Variants in NECAB1 observed in about 807,000 individuals in gnomAD.
The protein encoded by NECAB1 is N-terminal EF-hand calcium-binding protein 1.
In NECAB1, 29 loss-of-function variants were observed where a neutral mutation model predicts 57.5. The observed-to-expected ratio is 0.50, with a 90% CI of 0.38 to 0.69. The LOEUF (loss-of-function observed/expected upper bound fraction) is 0.69. NECAB1 is among the 30% of genes least tolerant of loss of function. The pLI, the probability that NECAB1 is intolerant of heterozygous loss-of-function variation, is 0.00. For synonymous variants in NECAB1, 142 were observed against 147.7 expected, an observed-to-expected ratio of 0.96 and a Z score of 0.28; for missense variants, 372 against 413.8, an observed-to-expected ratio of 0.90 and a Z score of 0.88.
At chr8:90,860,861 A>C (rs1439107846) in intron 3 of NECAB1, among the ~76,000 whole-genome samples, 1 of 151,718 alleles carries the variant, frequency 6.6e-6, no homozygotes, top group Non-Finnish European at 1.5e-5. Flanking sequence ...CTATGAAGGC[A>C]AAAATATTCC....
rs768996360 is a variant in NECAB1, at chr8:90,925,565, G to T, written c.525G>T (p.Ser175=). ...GGCCAGCCAAGCCAGAAGTCCTGTCGATTCAATGGCCTGGAAAACGATCAA... is the reference window on the plus strand; with the variant it reads ...GGCCAGCCAAGCCAGAAGTCCTGTCTATTCAATGGCCTGGAAAACGATCAA... ...RQGPAKPEVL[S]IQWPGKRSSR... is the part of the protein sequence containing the mutation. The change falls in exon 7 of 13, where the codon TCG becomes TCT. Residue 175 remains serine (S), a synonymous_variant. Transcript: ENST00000417640. The T allele has an allele frequency of 4.3e-6, 7 of 1,612,988 alleles. No individual in the cohort carries two copies. The highest frequency in any genetic ancestry group is 1.1e-5 in the South Asian group (1 of 90,868).
intron 3 of NECAB1, among the ~76,000 whole-genome samples, chr8:90,840,068 A>G (rs1812430486): frequency 6.6e-6 from 1 of 152,190 alleles, no homozygotes; most frequent in Non-Finnish European, 1.5e-5. Flanking sequence ...AAAGCTTTTG[A>G]ATAAGAATAC....
intron 6 of NECAB1, among the ~76,000 whole-genome samples, chr8:90,917,870 A>ATAGATATATGTG (rs1554575432): frequency 1.6e-5 from 1 of 64,344 alleles, no homozygotes; most frequent in Non-Finnish European, 2.5e-5. Context: ...ATATATATAT[A>ATAGATATATGTG]TGTGTGTGTG....
At chr8:90,953,423 C>A (rs1810958106) in intron 12 of NECAB1, among the ~76,000 whole-genome samples, 1 of 152,198 alleles carries the variant, frequency 6.6e-6, no homozygotes, top group Admixed American at 6.5e-5. Context: ...TGGATCAATT[C>A]TTGTTCTGTG....
rs1352529506 is a variant in NECAB1, at chr8:90,907,141, T to TGAGA, written c.358-10350_358-10349insAGAG. Among the ~76,000 whole-genome samples the TGAGA allele has an allele frequency of 7.9e-3, 1,007 of 126,866 alleles. 24 individuals are homozygous for TGAGA. The highest frequency in any genetic ancestry group is 0.068 in the Admixed American group (757 of 11,066). 83.2% of individuals were successfully genotyped at this position (126,866 alleles called of 152,430 possible). On this transcript the variant is annotated intron_variant, in intron 5 of 12. Coordinates refer to ENST00000417640, the MANE Select transcript of NECAB1 (RefSeq NM_022351.5). ...CCAATTTTGTGTGTGTGTGTGTGTG[T>TGAGA]GTGTGTGTGTGAGAGAGAGAGAGAG...
chr8:90,906,895 A>ATATATATATGTATATATATATG, intron 5 of NECAB1, among the ~76,000 whole-genome samples: 5 of 139,190 alleles, frequency 3.6e-5, no homozygotes, highest in African/African-American at 1.4e-4. Context: ...ATATATATAT[A>ATATATATATGTATATATATATG]TATATATATA....
intron 2 of NECAB1, among the ~76,000 whole-genome samples, chr8:90,802,726 C>T (rs188255326): frequency 6.6e-6 from 1 of 152,150 alleles, no homozygotes. Flanking sequence ...ATCCAAGGAA[C>T]AATGTAATAG....
chr8:90,869,578 T>A (rs1032522917), intron 3 of NECAB1, among the ~76,000 whole-genome samples: 2 of 152,222 alleles, frequency 1.3e-5, no homozygotes, highest in African/African-American at 4.8e-5. Flanking sequence ...TAAGATTTAA[T>A]AACTGCCCTG....
At chr8:90,803,243 C>A (rs1811791037) in intron 2 of NECAB1, among the ~76,000 whole-genome samples, 1 of 152,106 alleles carries the variant, frequency 6.6e-6, no homozygotes, top group South Asian at 2.1e-4. Flanking sequence ...ATCATTTTGT[C>A]TTCTCATCTC....
At chr8:90,891,715 T>C (rs1479129325) in intron 5 of NECAB1, among the ~76,000 whole-genome samples, 1 of 151,746 alleles carries the variant, frequency 6.6e-6, no homozygotes, top group Non-Finnish European at 1.5e-5. Context: ...TTTTTTTAGA[T>C]AGGCTTTCAC....
chr8:90,792,935 G>A (rs1442911616), intron 1 of NECAB1, among the ~76,000 whole-genome samples: 1 of 152,066 alleles, frequency 6.6e-6, no homozygotes, highest in Non-Finnish European at 1.5e-5. Flanking sequence ...TGCTGTTGCC[G>A]GAGGTCGTGT....
chr8:90,793,026 G>T (rs1811601228), intron 1 of NECAB1, among the ~76,000 whole-genome samples: 1 of 152,152 alleles, frequency 6.6e-6, no homozygotes, highest in South Asian at 2.1e-4. Flanking sequence ...AGTGCTACGT[G>T]CTCTGTCCTT....
chr8:90,864,062 T>A (rs1808460104), intron 3 of NECAB1, among the ~76,000 whole-genome samples: 1 of 152,116 alleles, frequency 6.6e-6, no homozygotes, highest in East Asian at 1.9e-4. Flanking sequence ...TTTAGAAACG[T>A]TTATAGCAAT....
intron 3 of NECAB1, among the ~76,000 whole-genome samples, chr8:90,852,639 C>T (rs538371678): frequency 2.1e-4 from 32 of 152,092 alleles, no homozygotes; most frequent in African/African-American, 3.1e-4. Flanking sequence ...AGAGGAGAAG[C>T]GGTGGGATGT....
chr8:90,909,596 T>A lies in NECAB1; in HGVS notation c.358-7896T>A, dbSNP rs1340529988. Among the ~76,000 whole-genome samples, 3 of 152,096 alleles carry A rather than the reference T, an allele frequency of 2.0e-5. No individual in the cohort carries two copies. The East Asian group carries it at 5.8e-4, about 29-fold the overall frequency. ...ACAAAATTCTTGGCTCTATTTTAAA[T>A]ATCTTAAAATATGTTACTACGTTTT... On this transcript the variant is annotated intron_variant, in intron 5 of 12. Coordinates refer to ENST00000417640, the MANE Select transcript of NECAB1 (RefSeq NM_022351.5).
At chr8:90,841,855 T>C (rs1700665646) in intron 3 of NECAB1, among the ~76,000 whole-genome samples, 2 of 152,048 alleles carry the variant, frequency 1.3e-5, no homozygotes, top group Non-Finnish European at 1.5e-5. Flanking sequence ...GAAATAAAAT[T>C]TGGAGGCTTT....
chr8:90,955,476 T>C lies in NECAB1; in HGVS notation c.1031-11T>C, dbSNP rs1400978254. 6.5e-7 allele frequency: 1 copy of C among 1,542,200 alleles called. No homozygotes were observed. Among genetic ancestry groups the C allele is most frequent in the South Asian group, 1.2e-5 (1 of 82,486 alleles). On this transcript the variant is annotated splice_polypyrimidine_tract_variant and intron_variant, in intron 12 of 12. Coordinates refer to ENST00000417640, the MANE Select transcript of NECAB1 (RefSeq NM_022351.5). ...TTTTCATTATTTTAGAAAACATTTT[T>C]CTCTTTTCAGCTTCGTGGTGGATCC...
At chr8:90,870,193 T>A (rs1010111557) in intron 3 of NECAB1, among the ~76,000 whole-genome samples, 1 of 152,212 alleles carries the variant, frequency 6.6e-6, no homozygotes, top group Non-Finnish European at 1.5e-5. Flanking sequence ...TGTGGAATCA[T>A]GAACCGATTA....
At chr8:90,933,005 T>C (rs1810446835) in intron 8 of NECAB1, among the ~76,000 whole-genome samples, 1 of 152,024 alleles carries the variant, frequency 6.6e-6, no homozygotes, top group South Asian at 2.1e-4. Context: ...ATCAGGGAAA[T>C]GTAAATCAAA....
Sources: allele counts gnomAD v4.1 joint callset (sites outside exome capture counted in the v4.1 genomes callset), GRCh38; gene constraint gnomAD v4.1.1; transcripts MANE v1.5; gene names NCBI Gene and HGNC (gene_info 2026-07-23, HGNC 2026-07-21).